GLMN: variants seen among roughly 807,000 people sequenced by gnomAD.
GLMN encodes glomulin, FKBP associated protein.
A neutral mutation model predicts 87.8 loss-of-function variants in GLMN; 75 were observed. That is an observed-to-expected ratio of 0.85 (90% CI 0.71 to 1.04). GLMN has a LOEUF of 1.04. GLMN is among the 50% of genes least tolerant of loss of function. The pLI, the probability that GLMN is intolerant of heterozygous loss-of-function variation, is 0.00. For missense variants in GLMN, 588 were observed against 658.8 expected (o/e 0.89, Z 1.18); for synonymous variants, 206 against 221.6 (o/e 0.93, Z 0.63).
the GLMN span, among the ~76,000 whole-genome samples, chr1:92,321,980 C>T: frequency 7.2e-6 from 1 of 138,202 alleles, no homozygotes; most frequent in African/African-American, 2.7e-5. Context: ...GAGTCTCACT[C>T]TATCACCCAG....
the GLMN span, among the ~76,000 whole-genome samples, chr1:92,358,591 A>T: frequency 4.0e-5 from 6 of 151,520 alleles, no homozygotes; most frequent in Admixed American, 3.3e-4. Context: ...GCTCATCTTT[A>T]TTTTTTTTCC....
At position 92,266,546 on chromosome 1, in the gene GLMN, T is replaced by C. The variant is rs762081356; in HGVS notation, c.1141-54A>G. On this transcript the variant is annotated intron_variant, in intron 12 of 18. Coordinates refer to ENST00000370360, the MANE Select transcript of GLMN (RefSeq NM_053274.3). ...TAAAATGAATAAAGCTTACCCAGACTTCATCACTATCCATTTTATGCATGT... is the reference window on the plus strand; with the variant it reads ...TAAAATGAATAAAGCTTACCCAGACCTCATCACTATCCATTTTATGCATGT... 6 of 1,145,350 alleles carry C rather than the reference T, an allele frequency of 5.2e-6. No individual in the cohort carries two copies. In the South Asian group the frequency reaches 7.6e-5, roughly 15 times the overall value. The allele number at this position is 1,145,350 out of a possible 1,614,324, so 70.9% of individuals were successfully genotyped here.
chr1:92,332,923 G>A, the GLMN span, among the ~76,000 whole-genome samples: 1 of 152,064 alleles, frequency 6.6e-6, no homozygotes, highest in Admixed American at 6.6e-5. Context: ...AACAAATGTG[G>A]ATTGTTTTCC....
At chr1:92,271,410 G>A (rs897563272) in intron 8 of GLMN, 55 bp downstream of exon 8, 2 of 1,321,784 alleles carry the variant, frequency 1.5e-6, no homozygotes, top group Non-Finnish European at 2.2e-6. Flanking sequence ...AGATAAATGA[G>A]AATTTTATGA....
At chr1:92,291,367 T>C (rs991102509) in intron 4 of GLMN, 51 bp downstream of exon 4, 2 of 1,450,266 alleles carry the variant, frequency 1.4e-6, no homozygotes, top group Non-Finnish European at 1.9e-6. Context: ...AAGGGAATTA[T>C]AAAATACTGC....
chr1:92,327,403 T>C, the GLMN span, among the ~76,000 whole-genome samples: 40 of 152,382 alleles, frequency 2.6e-4, 1 homozygote, highest in African/African-American at 9.4e-4. Context: ...CCTTTTATCA[T>C]TGTATAATGT....
At chr1:92,327,894 A>G in the GLMN span, among the ~76,000 whole-genome samples, 6 of 152,200 alleles carry the variant, frequency 3.9e-5, no homozygotes, top group African/African-American at 1.4e-4. Context: ...GAAAAAGACT[A>G]TCTTTCCTTC....
intron 7 of GLMN, among the ~76,000 whole-genome samples, chr1:92,284,455 T>C (rs1432334838): frequency 6.6e-6 from 1 of 152,204 alleles, no homozygotes; most frequent in Non-Finnish European, 1.5e-5. Flanking sequence ...CCTTACACCT[T>C]ATGCAAAAAT....
upstream of GLMN, chr1:92,299,051 C>A (rs978208827): frequency 1.1e-5 from 15 of 1,400,278 alleles, no homozygotes; most frequent in Admixed American, 2.5e-5. Context: ...AGCGTGTCCC[C>A]GTCCGGCAGA....
intron 9 of GLMN, among the ~76,000 whole-genome samples, chr1:92,268,354 T>A (rs1485085817): frequency 7.2e-5 from 11 of 152,236 alleles, no homozygotes; most frequent in Admixed American, 5.2e-4. Context: ...ATAAATCTAC[T>A]CAGGGATTAT....
At chr1:92,297,022 G>C (rs1392199983) in intron 3 of GLMN, among the ~76,000 whole-genome samples, 1 of 151,574 alleles carries the variant, frequency 6.6e-6, no homozygotes, top group African/African-American at 2.4e-5. Flanking sequence ...TTCAACTATA[G>C]CAATTATTTA....
chr1:92,364,794 G>A, the GLMN span, among the ~76,000 whole-genome samples: 2 of 152,034 alleles, frequency 1.3e-5, no homozygotes, highest in Non-Finnish European at 2.9e-5. Flanking sequence ...TCTCCTTGCC[G>A]TGTGTCTCTT....
At position 92,298,941 on chromosome 1, in the gene GLMN, C is replaced by G. The variant is rs1650532847; in HGVS notation, c.-47G>C. Reference sequence around the variant, plus strand: ...TCCACTTACCGGCCAGAACCCTCGCCTCTCCCAGCCGCCGCCACCTCCTCC... The same window carrying G: ...TCCACTTACCGGCCAGAACCCTCGCGTCTCCCAGCCGCCGCCACCTCCTCC... On this transcript the variant is annotated 5_prime_UTR_variant, in exon 1 of 19. Transcript: ENST00000370360. 2.1e-6 allele frequency: 1 copy of G among 487,170 alleles called. No individual in the cohort carries two copies. The highest frequency in any genetic ancestry group is 3.3e-5 in the South Asian group (1 of 30,004). The allele number at this position is 487,170 out of a possible 1,614,324, so 30.2% of individuals were successfully genotyped here.
chr1:92,361,773 C>CT, the GLMN span, among the ~76,000 whole-genome samples: 1 of 152,126 alleles, frequency 6.6e-6, no homozygotes, highest in African/African-American at 2.4e-5. Context: ...TTAGTAAACA[C>CT]TTTAACTTTT....
the GLMN span, among the ~76,000 whole-genome samples, chr1:92,351,234 G>A: frequency 1.3e-5 from 2 of 148,432 alleles, no homozygotes; most frequent in Non-Finnish European, 3.0e-5. Flanking sequence ...TTGAACCAGG[G>A]AGTCAGAGGT....
chr1:92,254,088 T>C (rs1039768392), intron 16 of GLMN, among the ~76,000 whole-genome samples: 2 of 152,110 alleles, frequency 1.3e-5, no homozygotes, highest in African/African-American at 4.8e-5. Context: ...CTGATGGAGC[T>C]GAAAAACACA....
the GLMN span, among the ~76,000 whole-genome samples, chr1:92,313,275 G>A: frequency 5.3e-5 from 8 of 152,096 alleles, no homozygotes; most frequent in Non-Finnish European, 7.4e-5. Flanking sequence ...ATACCTTTAG[G>A]AAATGTATGT....
chr1:92,298,832 C>A, intron 1 of GLMN, 93 bp downstream of exon 1: 1 of 390,290 alleles, frequency 2.6e-6, no homozygotes, highest in Non-Finnish European at 4.5e-6. Context: ...CACCACCTCG[C>A]GTGGCCTAGT....
the GLMN span, chr1:92,323,382 A>G: frequency 9.8e-6 from 12 of 1,226,376 alleles, no homozygotes; most frequent in South Asian, 1.9e-4. Context: ...TTACTTTTCT[A>G]TTGTTTTCGG....
Sources: allele counts gnomAD v4.1 joint callset (sites outside exome capture counted in the v4.1 genomes callset), GRCh38; gene constraint gnomAD v4.1.1; transcripts MANE v1.5; gene names NCBI Gene and HGNC (gene_info 2026-07-23, HGNC 2026-07-21).